The following BCR variants were observed in gnomAD, a reference collection of about 807,000 sequenced individuals.
BCR encodes the protein BCR activator of RhoGEF and GTPase, also known as breakpoint cluster region protein.
In BCR, 58 loss-of-function variants were observed where a neutral mutation model predicts 138.6. The observed-to-expected ratio is 0.42, with a 90% CI of 0.34 to 0.52. The LOEUF (loss-of-function observed/expected upper bound fraction) is 0.52. Among genes scored for constraint, BCR ranks in the 20% least tolerant of loss-of-function variants. The pLI is 0.06. For missense variants in BCR, 1,599 were observed against 1,727.2 expected (o/e 0.93, Z 1.32); for synonymous variants, 786 against 730.1 (o/e 1.08, Z -1.23).
chr22:23,264,255 T>C, intron 4 of BCR: 1 of 939,788 alleles, frequency 1.1e-6, no homozygotes, highest in Non-Finnish European at 1.8e-6. Flanking sequence ...CCCGCTGACG[T>C]CGACCCGCCT....
intron 1 of BCR, among the ~76,000 whole-genome samples, chr22:23,190,117 C>G (rs149367916): frequency 1.3e-5 from 2 of 152,260 alleles, no homozygotes; most frequent in African/African-American, 2.4e-5. Context: ...TGCACATGGT[C>G]TTTTTCTCTG....
At chr22:23,266,936 AC>A (rs1380442492) in intron 4 of BCR, among the ~76,000 whole-genome samples, 1 of 151,590 alleles carries the variant, frequency 6.6e-6, no homozygotes, top group Non-Finnish European at 1.5e-5. Context: ...TCTTCCCAAG[AC>A]CCCTGAGACC....
intron 22 of BCR, among the ~76,000 whole-genome samples, chr22:23,314,964 C>A (rs1396551424): frequency 2.0e-5 from 3 of 152,228 alleles, no homozygotes; most frequent in Non-Finnish European, 4.4e-5. Context: ...GTGGCTCATG[C>A]CTGTAATCCC....
intron 8 of BCR, among the ~76,000 whole-genome samples, chr22:23,275,416 G>A (rs1275189951): frequency 1.3e-5 from 2 of 152,224 alleles, no homozygotes; most frequent in African/African-American, 4.8e-5. Flanking sequence ...TGTCAAATGG[G>A]CATGATTTAG....
intron 8 of BCR, among the ~76,000 whole-genome samples, chr22:23,278,908 G>A (rs544538144): frequency 6.6e-6 from 1 of 152,300 alleles, no homozygotes; most frequent in East Asian, 1.9e-4. Flanking sequence ...CCCATGTCGA[G>A]GGCTGGGCCT....
At chr22:23,198,118 T>G (rs972083628) in intron 1 of BCR, 1 of 287,958 alleles carries the variant, frequency 3.5e-6, no homozygotes, top group Admixed American at 3.9e-5. Flanking sequence ...GAAGTGACTG[T>G]TAGGAGGTTA....
rs561628534 is a variant in BCR, at chr22:23,311,633, G to C, written c.3183-64G>C. 15 of 1,423,122 alleles carry C rather than the reference G, an allele frequency of 1.1e-5. No individual in the cohort carries two copies. In the East Asian group the frequency reaches 2.6e-4, roughly 25 times the overall value. 88.2% of individuals were successfully genotyped at this position (1,423,122 alleles called of 1,614,324 possible). A position where few individuals can be genotyped will look rare whatever the true frequency, so the allele number is the denominator to read the frequency against. The stretch of plus-strand genomic sequence containing the variant: ...CCTCCGGGTGTGCAGATATGGAGCA[G>C]GTCTCCTGTGTTATGGCCCAAGCAG... On this transcript the variant is annotated intron_variant, in intron 18 of 22. Transcript: ENST00000305877.
At position 23,314,785 on chromosome 22, in the gene BCR, A is replaced by C. The variant is rs540469237; in HGVS notation, c.3726+71A>C. 9.2e-5 allele frequency: 143 copies of C among 1,557,720 alleles called. No homozygotes were observed. The African/African-American group carries it at 1.3e-3, about 15-fold the overall frequency. On this transcript the variant is annotated intron_variant, in intron 22 of 22. Coordinates refer to ENST00000305877, the MANE Select transcript of BCR (RefSeq NM_004327.4). Reference sequence around the variant, plus strand: ...GGTGGCCTCTGCCTGCCCCACCCCCAGTCCTGCCCATCTTCTTACTTGCAT... The same window carrying C: ...GGTGGCCTCTGCCTGCCCCACCCCCCGTCCTGCCCATCTTCTTACTTGCAT...
chr22:23,213,835 TAAA>T (rs376154209), intron 1 of BCR, among the ~76,000 whole-genome samples: 7 of 136,138 alleles, frequency 5.1e-5, no homozygotes, highest in Admixed American at 2.9e-4. Context: ...CCCTGTCTCT[TAAA>T]AAAAAAAAAA....
At chr22:23,219,847 T>C (rs1285558382) in intron 1 of BCR, among the ~76,000 whole-genome samples, 1 of 152,238 alleles carries the variant, frequency 6.6e-6, no homozygotes, top group Admixed American at 6.5e-5. Context: ...GTCCCCGACC[T>C]GCATGTAACC....
In BCR at chr22:23,181,977, C is replaced by T. The variant is rs764826594; in HGVS notation, c.1017C>T (p.Thr339=). 3.7e-6 allele frequency: 6 copies of T among 1,613,290 alleles called. No individual in the cohort carries two copies. The Admixed American group carries it at 6.7e-5, about 18-fold the overall frequency. ...ACTGCAGCTCCAATGAGAACCTCAC[C>T]TCCAGCGAGGAGGACTTCTCCTCTG... The part of the protein sequence containing the change: ...TPDCSSNENL[T]SSEEDFSSGQ... The change falls in exon 1 of 23, where the codon ACC becomes ACT. Residue 339 remains threonine, a synonymous_variant. Coordinates refer to ENST00000305877, the MANE Select transcript of BCR (RefSeq NM_004327.4).
intron 1 of BCR, among the ~76,000 whole-genome samples, chr22:23,185,492 C>T (rs960480199): frequency 6.6e-6 from 1 of 151,968 alleles, no homozygotes; most frequent in African/African-American, 2.4e-5. Flanking sequence ...GGTGAAACCC[C>T]GTCTCTACTA....
chr22:23,250,905 T>A (rs1232426323), intron 1 of BCR: 1 of 152,012 alleles, frequency 6.6e-6, no homozygotes, highest in Non-Finnish European at 1.5e-5. Flanking sequence ...GAGGTAGCAA[T>A]GGGGAGGGCC....
chr22:23,192,426 C>T (rs2082326251), intron 1 of BCR, among the ~76,000 whole-genome samples: 1 of 152,192 alleles, frequency 6.6e-6, no homozygotes, highest in Admixed American at 6.5e-5. Context: ...CTGTGTTGGG[C>T]ACAGATGGTG....
chr22:23,314,109 G>T (rs1198773750), intron 21 of BCR, 36 bp downstream of exon 21: 8 of 1,553,352 alleles, frequency 5.2e-6, no homozygotes, highest in Non-Finnish European at 6.2e-6. Context: ...CAGGGCTCCA[G>T]GTCCCCAGGC....
intron 1 of BCR, chr22:23,199,219 TG>T (rs754758841): frequency 2.0e-6 from 1 of 500,376 alleles, no homozygotes; most frequent in Non-Finnish European, 4.0e-6. Flanking sequence ...AGTGGCCAGA[TG>T]GTGTGAGTGG....
At chr22:23,286,988 C>T (rs1344159548) in intron 10 of BCR, among the ~76,000 whole-genome samples, 171 bp from the exon 11 acceptor site, 1 of 152,220 alleles carries the variant, frequency 6.6e-6, no homozygotes, top group African/African-American at 2.4e-5. Flanking sequence ...TGTTTCTGTC[C>T]TCCAGAGGCC....
chr22:23,193,139 A>G (rs2072435804), intron 1 of BCR, among the ~76,000 whole-genome samples: 1 of 152,260 alleles, frequency 6.6e-6, no homozygotes, highest in African/African-American at 2.4e-5. Flanking sequence ...TTCCGTGTTT[A>G]AAGTGCTGCT....
At chr22:23,274,076 C>T (rs2073542630) in intron 8 of BCR, among the ~76,000 whole-genome samples, 1 of 152,136 alleles carries the variant, frequency 6.6e-6, no homozygotes, top group African/African-American at 2.4e-5. Context: ...CCCCCACAGT[C>T]TTGCCAGCTC....
Sources: allele counts gnomAD v4.1 joint callset (sites outside exome capture counted in the v4.1 genomes callset), GRCh38; gene constraint gnomAD v4.1.1; transcripts MANE v1.5; gene names NCBI Gene and HGNC (gene_info 2026-07-23, HGNC 2026-07-21).